Variants in DNAH12 observed in about 807,000 individuals in gnomAD.
DNAH12 encodes the protein dynein axonemal heavy chain 12.
In DNAH12, 285 loss-of-function variants were observed where a neutral mutation model predicts 371.5. That is an observed-to-expected ratio of 0.77 (90% CI 0.70 to 0.85). The LOEUF (loss-of-function observed/expected upper bound fraction) is 0.85, where lower values mean the gene tolerates loss of function less well. DNAH12 is among the 40% of genes least tolerant of loss of function. The pLI, the probability that DNAH12 is intolerant of heterozygous loss-of-function variation, is 0.00. For missense variants in DNAH12, 3,611 were observed against 3,689.4 expected (o/e 0.98, Z 0.55); for synonymous variants, 1,200 against 1,213.0 (o/e 0.99, Z 0.22).
intron 60 of DNAH12, among the ~76,000 whole-genome samples, chr3:57,345,204 G>T (rs2153317449): frequency 6.6e-6 from 1 of 152,192 alleles, no homozygotes; most frequent in South Asian, 2.1e-4. Context: ...TGTCTGAAAT[G>T]GTGGGTAACC....
At chr3:57,487,414 A>AAAAT (rs1553707698) in intron 12 of DNAH12, among the ~76,000 whole-genome samples, 2 of 146,220 alleles carry the variant, frequency 1.4e-5, no homozygotes, top group African/African-American at 5.0e-5. Flanking sequence ...AAAAAAAAGA[A>AAAAT]AAAGAAAGAA....
chr3:57,389,820 G>GTATATATA (rs1486737780), intron 45 of DNAH12, among the ~76,000 whole-genome samples: 1 of 72,718 alleles, frequency 1.4e-5, no homozygotes, highest in Non-Finnish European at 3.5e-5. Context: ...GTGTGTGTGT[G>GTATATATA]TGTATATATA....
Position 57,419,407 on chromosome 3 carries a change from T to G in DNAH12, c.5674A>C (p.Arg1892=). ...DIIVPTMDTI[R]YTFLMDLSIT... is the part of the protein sequence containing the mutation. Reference sequence around the variant, plus strand: ...CTCAAATCCATTAGAAACGTATATCTAATTGTGTCCATCGTAGGGACTATG... The same window carrying G: ...CTCAAATCCATTAGAAACGTATATCGAATTGTGTCCATCGTAGGGACTATG... The change falls in exon 37 of 74, where the codon AGA becomes CGA. Residue 1892 remains arginine, a synonymous_variant. Transcript: ENST00000495027. 1 of 1,512,480 alleles carries G rather than the reference T, an allele frequency of 6.6e-7. No individual in the cohort carries two copies. The highest frequency in any genetic ancestry group is 8.8e-7 in the Non-Finnish European group (1 of 1,135,172). The allele number at this position is 1,512,480 out of a possible 1,614,324, so 93.7% of individuals were successfully genotyped here.
intron 26 of DNAH12, 129 bp downstream of exon 26, chr3:57,446,408 C>G (rs1307957714): frequency 7.0e-7 from 1 of 1,420,870 alleles, no homozygotes; most frequent in African/African-American, 1.4e-5. Flanking sequence ...TGTCTTTACT[C>G]CTAAAATGAA....
At chr3:57,353,356 G>C (rs1419394701) in intron 59 of DNAH12, among the ~76,000 whole-genome samples, 1 of 151,518 alleles carries the variant, frequency 6.6e-6, no homozygotes, top group Non-Finnish European at 1.5e-5. Context: ...GCAGTGGCAT[G>C]ATCACAGCTC....
chr3:57,325,316 C>T (rs558926137), intron 62 of DNAH12, among the ~76,000 whole-genome samples: 1 of 152,350 alleles, frequency 6.6e-6, no homozygotes, highest in South Asian at 2.1e-4. Flanking sequence ...AACTGGGAGG[C>T]ACCCCCAAGT....
At chr3:57,456,926 T>C (rs759103006) in intron 22 of DNAH12, among the ~76,000 whole-genome samples, 4 of 152,232 alleles carry the variant, frequency 2.6e-5, no homozygotes, top group Non-Finnish European at 5.9e-5. Context: ...TGAAATTAAC[T>C]ACAAAATTTA....
chr3:57,389,306 T>C (rs2063560725), intron 45 of DNAH12, among the ~76,000 whole-genome samples: 1 of 151,656 alleles, frequency 6.6e-6, no homozygotes, highest in African/African-American at 2.4e-5. Context: ...CTAATAATCA[T>C]GCACATTTAA....
chr3:57,295,810 G>A (rs955903519), intron 72 of DNAH12, among the ~76,000 whole-genome samples: 1 of 152,192 alleles, frequency 6.6e-6, no homozygotes, highest in African/African-American at 2.4e-5. Flanking sequence ...ACATATGAAT[G>A]TCTGCCAATT....
At chr3:57,426,611 C>T (rs2064776284) in intron 34 of DNAH12, among the ~76,000 whole-genome samples, 1 of 151,838 alleles carries the variant, frequency 6.6e-6, no homozygotes, top group East Asian at 1.9e-4. Context: ...GGGCAGATTG[C>T]TTGAGGCCAA....
intron 7 of DNAH12, among the ~76,000 whole-genome samples, 182 bp downstream of exon 7, chr3:57,508,200 C>A (rs112250187): frequency 0.013 from 1,637 of 126,800 alleles, 2 homozygotes; most frequent in East Asian, 0.018. Context: ...AAAAAAAAAA[C>A]AAAAAAAAAA....
At chr3:57,520,450 A>ATTT (rs11440259) in intron 4 of DNAH12, among the ~76,000 whole-genome samples, 116 of 141,858 alleles carry the variant, frequency 8.2e-4, no homozygotes, top group African/African-American at 1.9e-3. Context: ...TATTATTATT[A>ATTT]TTTTTTTTTT....
intron 2 of DNAH12, among the ~76,000 whole-genome samples, chr3:57,539,020 C>T (rs747037299): frequency 5.9e-5 from 9 of 152,204 alleles, no homozygotes; most frequent in African/African-American, 2.2e-4. Flanking sequence ...GCCAATCCTA[C>T]TGATTCTGCC....
chr3:57,448,599 G>A lies in DNAH12; in HGVS notation c.3787-1910C>T, dbSNP rs72869837. ...AAAAGAACAAAGCTTCCACAGCGTG[G>A]AATAGAACCCGACCATGTTGCCAAT... On this transcript the variant is annotated intron_variant, in intron 25 of 73. Transcript: ENST00000495027. Among the ~76,000 whole-genome samples the A allele has an allele frequency of 8.0e-3, 1,216 of 152,318 alleles. 15 individuals are homozygous for A. Among genetic ancestry groups the A allele is most frequent in the African/African-American group, 0.027 (1,135 of 41,558 alleles).
intron 60 of DNAH12, among the ~76,000 whole-genome samples, chr3:57,342,995 C>T (rs1196720914): frequency 2.6e-5 from 4 of 151,380 alleles, no homozygotes; most frequent in Admixed American, 6.6e-5. Context: ...TCACCTGAGC[C>T]GGGCAGGTGG....
chr3:57,404,635 G>T (rs1431140535), intron 42 of DNAH12, among the ~76,000 whole-genome samples: 2 of 152,084 alleles, frequency 1.3e-5, no homozygotes, highest in Non-Finnish European at 2.9e-5. Flanking sequence ...CAGGAGAATG[G>T]CTTGAACCCG....
chr3:57,436,112 T>C (rs932753852), intron 30 of DNAH12, among the ~76,000 whole-genome samples: 11 of 151,822 alleles, frequency 7.2e-5, no homozygotes, highest in African/African-American at 2.2e-4. Context: ...AAAGCCCCTC[T>C]CAGGTAGCAA....
intron 32 of DNAH12, among the ~76,000 whole-genome samples, chr3:57,431,138 T>C (rs2064943273): frequency 6.6e-6 from 1 of 152,184 alleles, no homozygotes; most frequent in Non-Finnish European, 1.5e-5. Flanking sequence ...TCTGCACAAA[T>C]TTGAAAGGTA....
At chr3:57,431,760 A>T (rs1475459987) in intron 32 of DNAH12, among the ~76,000 whole-genome samples, 1 of 152,190 alleles carries the variant, frequency 6.6e-6, no homozygotes, top group East Asian at 1.9e-4. Context: ...TCTTCCACTC[A>T]ATCAGGCTCT....
Sources: gnomAD v4.1 joint callset for allele counts (sites outside exome capture counted in the v4.1 genomes callset) on GRCh38, gnomAD v4.1.1 for gene constraint, MANE v1.5 for transcripts, NCBI Gene and HGNC (gene_info 2026-07-23, HGNC 2026-07-21) for gene names.